HSD17B12: variants seen among roughly 807,000 people sequenced by gnomAD.
HSD17B12 encodes very-long-chain 3-oxoacyl-CoA reductase.
A neutral mutation model predicts 39.3 loss-of-function variants in HSD17B12; 32 were observed. The ratio of observed to expected loss-of-function variants is 0.81; its 90% CI spans 0.61 to 1.09. The LOEUF (loss-of-function observed/expected upper bound fraction) is 1.09. Among genes scored for constraint, HSD17B12 ranks in the 50% least tolerant of loss-of-function variants. The pLI is 0.00. For missense variants in HSD17B12, 342 were observed against 382.9 expected, an observed-to-expected ratio of 0.89 and a Z score of 0.89; for synonymous variants, 150 against 146.7, an observed-to-expected ratio of 1.02 and a Z score of -0.16.
intron 1 of HSD17B12, among the ~76,000 whole-genome samples, chr11:43,731,667 A>G (rs550005205): frequency 6.6e-6 from 1 of 152,334 alleles, no homozygotes; most frequent in South Asian, 2.1e-4. Flanking sequence ...CAAGCTGGGA[A>G]GCAAAGCCTC....
rs139146932 is a variant in HSD17B12, at chr11:43,810,464, G to C, written c.392-4973G>C. ...TAAAATGCAACACATAATGATATTAGTGTTTTCTGAGGTTCTGGATGGGGG... is the reference window on the plus strand; with the variant it reads ...TAAAATGCAACACATAATGATATTACTGTTTTCTGAGGTTCTGGATGGGGG... On this transcript the variant is annotated intron_variant, in intron 4 of 10. Transcript: ENST00000278353. Among the ~76,000 whole-genome samples, 614 of 150,110 alleles carry C rather than the reference G, an allele frequency of 4.1e-3. 5 individuals carry two copies. Among genetic ancestry groups the C allele is most frequent in the African/African-American group, 0.014 (553 of 40,554 alleles).
At chr11:43,597,115 G>A in the HSD17B12 span, among the ~76,000 whole-genome samples, 6 of 152,312 alleles carry the variant, frequency 3.9e-5, no homozygotes, top group East Asian at 9.6e-4. Flanking sequence ...TGAATTCCAG[G>A]CAAAATGAAT....
At chr11:43,628,778 T>G in the HSD17B12 span, among the ~76,000 whole-genome samples, 1 of 151,782 alleles carries the variant, frequency 6.6e-6, no homozygotes, top group Admixed American at 6.6e-5. Flanking sequence ...CAATTTTTAT[T>G]AAATTAATAA....
At chr11:43,718,096 C>T (rs1378055942) in intron 1 of HSD17B12, among the ~76,000 whole-genome samples, 1 of 152,186 alleles carries the variant, frequency 6.6e-6, no homozygotes, top group Admixed American at 6.5e-5. Context: ...TGAGCCACTG[C>T]ACCTGGCCAG....
chr11:43,731,890 G>A (rs949236258), intron 1 of HSD17B12, among the ~76,000 whole-genome samples: 2 of 152,118 alleles, frequency 1.3e-5, no homozygotes, highest in Admixed American at 6.5e-5. Context: ...GCATGATCTC[G>A]GGGTGGAGTT....
rs182167348 is a variant in HSD17B12 at position 43,806,797 on chromosome 11, A to G, written c.391+8370A>G. Among the ~76,000 whole-genome samples the G allele has an allele frequency of 3.7e-4, 57 of 152,324 alleles. 1 individual carries two copies. The highest frequency in any genetic ancestry group is 3.0e-3 in the Admixed American group (46 of 15,296). On this transcript the variant is annotated intron_variant, in intron 4 of 10. Coordinates refer to ENST00000278353, the MANE Select transcript of HSD17B12 (RefSeq NM_016142.3). ...CATTTGGATGACTATAATCAATTGT[A>G]TATTTCAAAATAGCTAGAAGAGAAT...
At chr11:43,816,045 G>A (rs1215259797) in intron 5 of HSD17B12, among the ~76,000 whole-genome samples, 2 of 152,108 alleles carry the variant, frequency 1.3e-5, no homozygotes, top group African/African-American at 4.8e-5. Flanking sequence ...CTCCATACTA[G>A]CAGAAAGGAA....
intron 1 of HSD17B12, among the ~76,000 whole-genome samples, chr11:43,685,737 A>G (rs146799440): frequency 1.3e-5 from 2 of 152,348 alleles, no homozygotes; most frequent in African/African-American, 4.8e-5. Context: ...GGGCCTACAG[A>G]CTGGATGAGT....
chr11:43,837,994 TA>T (rs1951387588), intron 7 of HSD17B12: 1 of 278,078 alleles, frequency 3.6e-6, no homozygotes, highest in Non-Finnish European at 6.7e-6. Context: ...GATCTGTAAG[TA>T]AAAATTCTCA....
chr11:43,693,679 A>G (rs1353575930), intron 1 of HSD17B12, among the ~76,000 whole-genome samples: 1 of 152,196 alleles, frequency 6.6e-6, no homozygotes, highest in Admixed American at 6.5e-5. Context: ...AGAATATAGT[A>G]TTTTTTAGAA....
chr11:43,607,309 TG>T, the HSD17B12 span, among the ~76,000 whole-genome samples: 1 of 151,794 alleles, frequency 6.6e-6, no homozygotes, highest in Admixed American at 6.6e-5. Flanking sequence ...TGTGTGTGTG[TG>T]TGTGTGTACC....
chr11:43,723,322 T>G (rs1950191674), intron 1 of HSD17B12, among the ~76,000 whole-genome samples: 1 of 152,212 alleles, frequency 6.6e-6, no homozygotes, highest in South Asian at 2.1e-4. Flanking sequence ...TATTGTAAAT[T>G]TGGATGCAAA....
chr11:43,562,046 G>A, the HSD17B12 span, among the ~76,000 whole-genome samples: 64 of 152,240 alleles, frequency 4.2e-4, no homozygotes, highest in South Asian at 9.1e-3. Context: ...TCGCTTCTTC[G>A]TAAACTGCTT....
chr11:43,828,055 T>A (rs1191151457), intron 6 of HSD17B12, among the ~76,000 whole-genome samples: 1 of 151,890 alleles, frequency 6.6e-6, no homozygotes, highest in East Asian at 1.9e-4. Context: ...TATATGTATA[T>A]AAAGAGGAAA....
At chr11:43,764,458 AAG>A (rs1020635693) in intron 3 of HSD17B12, among the ~76,000 whole-genome samples, 2 of 152,118 alleles carry the variant, frequency 1.3e-5, no homozygotes, top group Non-Finnish European at 2.9e-5. Context: ...CCAAATTTGA[AAG>A]AGAGAATTGA....
the HSD17B12 span, among the ~76,000 whole-genome samples, chr11:43,652,669 A>C: frequency 0.18 from 26,034 of 146,552 alleles, 2,640 homozygotes; most frequent in Middle Eastern, 0.27. Context: ...AGGATATTAC[A>C]AAAAAAAAAT....
At chr11:43,789,960 A>G (rs971067298) in intron 3 of HSD17B12, among the ~76,000 whole-genome samples, 2 of 152,104 alleles carry the variant, frequency 1.3e-5, no homozygotes, top group African/African-American at 4.8e-5. Context: ...CCCGCAAAAA[A>G]GAGAGAGAAG....
chr11:43,754,869 T>G, intron 3 of HSD17B12: 1 of 760,302 alleles, frequency 1.3e-6, no homozygotes, highest in East Asian at 2.5e-5. Flanking sequence ...AACTTTCTTC[T>G]TAGGCAATTA....
the HSD17B12 span, among the ~76,000 whole-genome samples, chr11:43,658,863 C>G: frequency 4.6e-5 from 7 of 152,224 alleles, no homozygotes; most frequent in Non-Finnish European, 7.3e-5. Flanking sequence ...AGGAGGCAGT[C>G]TGCCCGTTCT....
Sources: allele counts gnomAD v4.1 joint callset (sites outside exome capture counted in the v4.1 genomes callset), GRCh38; gene constraint gnomAD v4.1.1; transcripts MANE v1.5; gene names NCBI Gene and HGNC (gene_info 2026-07-23, HGNC 2026-07-21).